The following RCAN1 variants were observed in gnomAD, a reference collection of about 807,000 sequenced individuals.
The protein encoded by RCAN1 is calcipressin-1.
Under a neutral mutation model 22.9 loss-of-function variants are expected in RCAN1, and 11 were observed. The observed-to-expected ratio is 0.48, with a 90% CI of 0.30 to 0.79. The LOEUF (loss-of-function observed/expected upper bound fraction) is 0.79. Among genes scored for constraint, RCAN1 ranks in the 30% least tolerant of loss-of-function variants. The pLI is 0.06. For synonymous variants in RCAN1, 136 were observed against 142.3 expected (o/e 0.96, Z 0.32); for missense variants, 291 against 337.8 (o/e 0.86, Z 1.09).
intron 3 of RCAN1, chr21:34,520,954 C>G (rs1984467410): frequency 2.1e-6 from 1 of 485,058 alleles, no homozygotes; most frequent in Admixed American, 6.0e-5. Context: ...CTTTCTTTAG[C>G]AAGCTCTGTA....
chr21:34,615,040 C>A lies in RCAN1; in HGVS notation c.-29G>T. On this transcript the variant is annotated 5_prime_UTR_variant, in exon 1 of 4. Coordinates refer to ENST00000313806, the MANE Select transcript of RCAN1 (RefSeq NM_004414.7). ...CGCGCCCGCGCGACCCTGTGCGCCC[C>A]AGCGGGCTGCTCCGGGCTTGCGCGC... 1 of 1,030,268 alleles carries A rather than the reference C, an allele frequency of 9.7e-7. No homozygotes were observed. The highest frequency in any genetic ancestry group is 4.4e-5 in the South Asian group (1 of 22,484). 63.8% of individuals were successfully genotyped at this position (1,030,268 alleles called of 1,614,324 possible).
At chr21:34,606,809 A>T (rs1022523843) in intron 1 of RCAN1, among the ~76,000 whole-genome samples, 1 of 152,236 alleles carries the variant, frequency 6.6e-6, no homozygotes, top group Non-Finnish European at 1.5e-5. Context: ...TCTGCAGCCC[A>T]GAGGAGAGGC....
intron 1 of RCAN1, among the ~76,000 whole-genome samples, chr21:34,598,427 G>A (rs1988231756): frequency 6.6e-6 from 1 of 152,196 alleles, no homozygotes; most frequent in Non-Finnish European, 1.5e-5. Context: ...CATTTAGGTG[G>A]TATTTCAAAT....
At chr21:34,595,291 G>T (rs1988110140) in intron 1 of RCAN1, among the ~76,000 whole-genome samples, 1 of 152,086 alleles carries the variant, frequency 6.6e-6, no homozygotes, top group South Asian at 2.1e-4. Context: ...CCCATCTGGG[G>T]GTGTGCTGAG....
intron 1 of RCAN1, among the ~76,000 whole-genome samples, chr21:34,557,566 G>A (rs2248504): frequency 0.24 from 36,775 of 152,118 alleles, 5,188 homozygotes; most frequent in African/African-American, 0.39. Flanking sequence ...TGCCAAGCCT[G>A]GGGAAGATGC....
At chr21:34,613,725 G>A (rs1049813344) in intron 1 of RCAN1, 27 of 1,449,086 alleles carry the variant, frequency 1.9e-5, no homozygotes, top group Admixed American at 4.3e-5. Context: ...CTAAGCACAC[G>A]GCCATTGTAA....
At chr21:34,611,924 G>A (rs916846701) in intron 1 of RCAN1, among the ~76,000 whole-genome samples, 8 of 152,180 alleles carry the variant, frequency 5.3e-5, no homozygotes, top group African/African-American at 1.7e-4. Context: ...CAGAGACTGG[G>A]ACTCCCTTAG....
At chr21:34,587,951 C>T (rs539337521) in intron 1 of RCAN1, among the ~76,000 whole-genome samples, 29 of 152,264 alleles carry the variant, frequency 1.9e-4, no homozygotes, top group African/African-American at 6.5e-4. Context: ...TAGCCTACCC[C>T]AAGAAAGAAG....
chr21:34,545,203 AC>A lies in RCAN1; in HGVS notation c.253-21494del, dbSNP rs1250878028. ...TGCCCCCGCCCCTTGTTTCAGTGTC[AC>A]CTCAAGTTTGCTTCTTGCTCTCAGA... On this transcript the variant is annotated intron_variant, in intron 1 of 3. Coordinates refer to ENST00000313806, the MANE Select transcript of RCAN1 (RefSeq NM_004414.7). 2.0e-5 allele frequency among the ~76,000 whole-genome samples: 3 copies of A among 152,220 alleles called. No homozygotes were observed. In the East Asian group the frequency reaches 5.8e-4, roughly 29 times the overall value.
At chr21:34,550,566 G>T (rs1601164458) in intron 1 of RCAN1, among the ~76,000 whole-genome samples, 1 of 152,174 alleles carries the variant, frequency 6.6e-6, no homozygotes, top group African/African-American at 2.4e-5. Flanking sequence ...CAAGGAGCAA[G>T]GCCTCTGAGG....
At chr21:34,536,644 G>A (rs999476218) in intron 1 of RCAN1, among the ~76,000 whole-genome samples, 1 of 150,464 alleles carries the variant, frequency 6.6e-6, no homozygotes. Flanking sequence ...GGCTGGCGCA[G>A]TGAGGGGTCC....
chr21:34,592,590 C>T (rs2284602), intron 1 of RCAN1, among the ~76,000 whole-genome samples: 67,852 of 151,934 alleles, frequency 0.45, 15,503 homozygotes, highest in African/African-American at 0.53. Context: ...GCCCCCTTCC[C>T]GGAGCCGTCT....
At chr21:34,521,806 T>C in intron 2 of RCAN1, 148 bp from the exon 3 acceptor site, 2 of 658,404 alleles carry the variant, frequency 3.0e-6, no homozygotes, top group Non-Finnish European at 5.2e-6. Context: ...TAAGATGGTC[T>C]GTAATGGGGA....
chr21:34,556,065 A>T (rs1225136162), intron 1 of RCAN1, among the ~76,000 whole-genome samples: 5 of 108,124 alleles, frequency 4.6e-5, no homozygotes, highest in East Asian at 2.3e-4. Flanking sequence ...TCCATTTCAA[A>T]AAATAAATAA....
At chr21:34,588,616 G>A (rs890958082) in intron 1 of RCAN1, among the ~76,000 whole-genome samples, 5 of 152,180 alleles carry the variant, frequency 3.3e-5, no homozygotes, top group East Asian at 3.9e-4. Context: ...TGTGCAGAAC[G>A]GAATGGCAGC....
intron 3 of RCAN1, among the ~76,000 whole-genome samples, chr21:34,519,596 A>G (rs946318253): frequency 4.6e-5 from 7 of 151,558 alleles, no homozygotes; most frequent in Admixed American, 3.3e-4. Flanking sequence ...ACGAGGTTTC[A>G]CCATGTTGGC....
intron 1 of RCAN1, among the ~76,000 whole-genome samples, chr21:34,598,109 A>G (rs550502953): frequency 6.6e-6 from 1 of 152,352 alleles, no homozygotes; most frequent in South Asian, 2.1e-4. Flanking sequence ...CTAAGTAACT[A>G]TAAACCCAAA....
intron 1 of RCAN1, among the ~76,000 whole-genome samples, chr21:34,534,820 G>A (rs1464286518): frequency 1.3e-5 from 2 of 152,218 alleles, no homozygotes; most frequent in Non-Finnish European, 2.9e-5. Context: ...ATTCCCGGAT[G>A]TGCTTCCTAT....
chr21:34,600,116 A>T (rs546542958), intron 1 of RCAN1, among the ~76,000 whole-genome samples: 1 of 152,300 alleles, frequency 6.6e-6, no homozygotes, highest in Non-Finnish European at 1.5e-5. Context: ...CCTCCCTATG[A>T]CACAGGTGGC....
Sources: gnomAD v4.1 joint callset for allele counts (sites outside exome capture counted in the v4.1 genomes callset) on GRCh38, gnomAD v4.1.1 for gene constraint, MANE v1.5 for transcripts, NCBI Gene and HGNC (gene_info 2026-07-23, HGNC 2026-07-21) for gene names.